The following ANGEL1 variants were observed in gnomAD, a reference collection of about 807,000 sequenced individuals.
The protein encoded by ANGEL1 is angel homolog 1.
A neutral mutation model predicts 76.4 loss-of-function variants in ANGEL1; 62 were observed. The ratio of observed to expected loss-of-function variants is 0.81; its 90% CI spans 0.66 to 1.00. The LOEUF is 1.00. Among genes scored for constraint, ANGEL1 ranks in the 50% least tolerant of loss-of-function variants. The pLI is 0.00. For synonymous variants in ANGEL1, 340 were observed against 331.7 expected, an observed-to-expected ratio of 1.03 and a Z score of -0.27; for missense variants, 737 against 836.7, an observed-to-expected ratio of 0.88 and a Z score of 1.47.
At position 76,786,162 on chromosome 14, in the gene ANGEL1, C is replaced by CTTT. The variant is rs200154536; in HGVS notation, c.*3063_*3065dup. The CTTT allele has an allele frequency of 2.1e-5, 3 of 140,156 alleles. No individual in the cohort carries two copies. The highest frequency in any genetic ancestry group is 2.0e-4 in the East Asian group (1 of 4,994). The allele number at this position is 140,156 out of a possible 1,614,324, so 8.7% of individuals were successfully genotyped here. On this transcript the variant is annotated 3_prime_UTR_variant, in exon 10 of 10. Coordinates refer to ENST00000251089, the MANE Select transcript of ANGEL1 (RefSeq NM_015305.4). ...AGCTGAGTTTTCTTTCTTTTCTTTT[C>CTTT]TTTTCTTTTTTTTTTTTTGAGATGG...
At chr14:76,794,282 T>C (rs184631480) in intron 7 of ANGEL1, among the ~76,000 whole-genome samples, 1 of 152,258 alleles carries the variant, frequency 6.6e-6, no homozygotes, top group East Asian at 1.9e-4. Flanking sequence ...TTTTATGACA[T>C]GTGAATTTCA....
chr14:76,807,547 G>A lies in ANGEL1; in HGVS notation c.877-45C>T, dbSNP rs377138096. 1.0e-5 allele frequency: 16 copies of A among 1,595,722 alleles called. No homozygotes were observed. In the African/African-American group the frequency reaches 2.1e-4, roughly 21 times the overall value. Reference sequence around the variant, plus strand: ...CCCAATCACTCCAGAGTGCTGGAATGTGACCCCCACCCTCTAGGAGCAGGT... The same window carrying A: ...CCCAATCACTCCAGAGTGCTGGAATATGACCCCCACCCTCTAGGAGCAGGT... On this transcript the variant is annotated intron_variant, in intron 3 of 9. Coordinates refer to ENST00000251089, the MANE Select transcript of ANGEL1 (RefSeq NM_015305.4).
At chr14:76,799,044 G>A (rs1894671765) in intron 7 of ANGEL1, among the ~76,000 whole-genome samples, 1 of 151,450 alleles carries the variant, frequency 6.6e-6, no homozygotes, top group African/African-American at 2.4e-5. Flanking sequence ...CCAGTACAAT[G>A]CAATGTCAGC....
chr14:76,793,387 GGA>G, intron 7 of ANGEL1, among the ~76,000 whole-genome samples: 1 of 66,604 alleles, frequency 1.5e-5, no homozygotes. Context: ...AGAGGAGAGG[GGA>G]GAGGAGGGGA....
chr14:76,792,354 C>A (rs1318233321), intron 7 of ANGEL1, among the ~76,000 whole-genome samples: 2 of 152,080 alleles, frequency 1.3e-5, no homozygotes, highest in Admixed American at 6.6e-5. Context: ...AAATCCTTCA[C>A]AAACACTTCC....
rs761463220 is a variant in ANGEL1, at chr14:76,808,098, C to G, written c.700G>C (p.Gly234Arg). ...TGAGGGCCATCTCCTGCCTTCAGGCCCTGAGCATCTGGCTGGGTGGAGAAA... is the reference window on the plus strand; with the variant it reads ...TGAGGGCCATCTCCTGCCTTCAGGCGCTGAGCATCTGGCTGGGTGGAGAAA... ...EDFSTQPDAQGLKAGDGPQFQ... is the reference protein window; with the variant it reads ...EDFSTQPDAQRLKAGDGPQFQ... Residue 234 changes from glycine to arginine, a missense_variant, in exon 3 of 10, where the codon GGC becomes CGC. By Grantham distance (125) the Gly-to-Arg change is moderately radical (BLOSUM62 -2). Around this residue, in one of 2 missense-constraint regions of ANGEL1, gnomAD observed 441 missense variants for 449.5 expected, o/e 0.98. Transcript: ENST00000251089. 2 of 1,613,912 alleles carry G rather than the reference C, an allele frequency of 1.2e-6. No homozygotes were observed. The highest frequency in any genetic ancestry group is 1.7e-6 in the Non-Finnish European group (2 of 1,180,034).
chr14:76,789,570 AT>A (rs1416183517), intron 9 of ANGEL1, among the ~76,000 whole-genome samples, 182 bp from the exon 10 acceptor site: 1 of 152,144 alleles, frequency 6.6e-6, no homozygotes, highest in African/African-American at 2.4e-5. Flanking sequence ...ATACTCCATA[AT>A]ATCATCAACG....
chr14:76,791,517 A>G, intron 7 of ANGEL1, 151 bp from the exon 8 acceptor site: 1 of 684,774 alleles, frequency 1.5e-6, no homozygotes, highest in Non-Finnish European at 2.4e-6. Flanking sequence ...GGAGGAGAAG[A>G]TGACCATAAA....
Position 76,808,117 on chromosome 14 carries a change from G to A in ANGEL1, c.681C>T (p.Ser227=). The A allele has an allele frequency of 2.5e-6, 4 of 1,613,852 alleles. No individual in the cohort carries two copies. Among genetic ancestry groups the A allele is most frequent in the Non-Finnish European group, 3.4e-6 (4 of 1,180,024 alleles). The change falls in exon 3 of 10, where the codon TCC becomes TCT. Residue 227 remains serine (S), a synonymous_variant. Transcript: ENST00000251089. ...TCAGGCCCTGAGCATCTGGCTGGGT[G>A]GAGAAATCCTCCCATTCTCGCCACA... ...EILWREWEDF[S]TQPDAQGLKA...
chr14:76,799,539 C>T (rs989187886), intron 7 of ANGEL1, among the ~76,000 whole-genome samples: 10 of 151,950 alleles, frequency 6.6e-5, no homozygotes, highest in Non-Finnish European at 1.2e-4. Context: ...ATGATCCGCC[C>T]GCCTCAGCCT....
At chr14:76,797,254 T>C (rs1271508148) in intron 7 of ANGEL1, among the ~76,000 whole-genome samples, 1 of 152,222 alleles carries the variant, frequency 6.6e-6, no homozygotes, top group Non-Finnish European at 1.5e-5. Context: ...TGATGTTAGT[T>C]GTAGGCTTGT....
intron 7 of ANGEL1, among the ~76,000 whole-genome samples, chr14:76,794,441 G>A (rs935323218): frequency 1.3e-5 from 2 of 152,058 alleles, no homozygotes; most frequent in Admixed American, 1.3e-4. Context: ...GAAGGCTGGG[G>A]CGGACGCATC....
chr14:76,803,458 A>T lies in ANGEL1; in HGVS notation c.1531T>A (p.Phe511Ile), dbSNP rs746552026. 6 of 1,614,108 alleles carry T rather than the reference A, an allele frequency of 3.7e-6. No homozygotes were observed. In the African/African-American group the frequency reaches 6.7e-5, roughly 18 times the overall value. ...CTGCAGAAGCGGAAACGTAGCAGGAAGTCTCGGCCATACTTGCGTCTCTCT... is the reference window on the plus strand; with the variant it reads ...CTGCAGAAGCGGAAACGTAGCAGGATGTCTCGGCCATACTTGCGTCTCTCT... Reference protein sequence around the residue: ...RSERRKYGRDFLLRFRFCSIA... With the variant: ...RSERRKYGRDILLRFRFCSIA... Residue 511 changes from phenylalanine (F) to isoleucine (I), a missense_variant, in exon 7 of 10, where the codon TTC (phenylalanine) becomes ATC (isoleucine). Physicochemically the swap from Phe to Ile is conservative, Grantham distance 21 (BLOSUM62 0). Coordinates refer to ENST00000251089, the MANE Select transcript of ANGEL1 (RefSeq NM_015305.4).
intron 7 of ANGEL1, among the ~76,000 whole-genome samples, chr14:76,799,566 TACAGGCGTGAGCC>T (rs1296427547): frequency 5.3e-5 from 8 of 152,140 alleles, no homozygotes; most frequent in Non-Finnish European, 1.0e-4. Flanking sequence ...GTGCTGGGAT[TACAGGCGTGAGCC>T]ACCGCGCCCG....
At chr14:76,790,065 A>G (rs34259255) in intron 9 of ANGEL1, among the ~76,000 whole-genome samples, 6,363 of 151,906 alleles carry the variant, frequency 0.042, 205 homozygotes, top group Middle Eastern at 0.082. Flanking sequence ...GGGTTTCATC[A>G]TGTGGCCAGG....
In ANGEL1 at chr14:76,812,880, C is replaced by G; in HGVS notation, c.-53G>C. 6.8e-7 allele frequency: 1 copy of G among 1,464,216 alleles called. No individual in the cohort carries two copies. Among genetic ancestry groups the G allele is most frequent in the Non-Finnish European group, 9.0e-7 (1 of 1,109,174 alleles). 90.7% of individuals were successfully genotyped at this position (1,464,216 alleles called of 1,614,324 possible). Reference sequence around the variant, plus strand: ...CCTCACTGCAGCCAGCAGGTCCTCCCTCAGCTCGGCCCCGCCCCCGGCCCG... The same window carrying G: ...CCTCACTGCAGCCAGCAGGTCCTCCGTCAGCTCGGCCCCGCCCCCGGCCCG... On this transcript the variant is annotated 5_prime_UTR_variant, in exon 1 of 10. Coordinates refer to ENST00000251089, the MANE Select transcript of ANGEL1 (RefSeq NM_015305.4).
chr14:76,803,954 G>T (rs1894840572), intron 5 of ANGEL1, 42 bp from the exon 6 acceptor site: 2 of 1,613,916 alleles, frequency 1.2e-6, no homozygotes, highest in Non-Finnish European at 1.7e-6. Context: ...AACCAAGATA[G>T]AAAAAGGAAG....
In ANGEL1 at chr14:76,809,162, G is replaced by C. The variant is rs764364066; in HGVS notation, c.546C>G (p.Ala182=). 1 of 1,614,100 alleles carries C rather than the reference G, an allele frequency of 6.2e-7. No individual in the cohort carries two copies. The highest frequency in any genetic ancestry group is 2.2e-5 in the East Asian group (1 of 44,884). ...EQWEEDPAVL[A]WSIAPEPVPQ... is the part of the protein sequence containing the mutation. ...GCACAGGCTCAGGTGCTATGCTCCA[G>C]GCCAACACCGCTGGGTCCTCTTCCC... Residue 182 remains alanine (A), a synonymous_variant, in exon 2 of 10, where the codon GCC becomes GCG. Transcript: ENST00000251089.
At chr14:76,809,923 C>G (rs149897366) in intron 1 of ANGEL1, among the ~76,000 whole-genome samples, 1 of 152,342 alleles carries the variant, frequency 6.6e-6, no homozygotes, top group East Asian at 1.9e-4. Flanking sequence ...CTCACATAAT[C>G]TAGAACACAG....
Sources: allele counts gnomAD v4.1 joint callset (sites outside exome capture counted in the v4.1 genomes callset), GRCh38; gene constraint gnomAD v4.1.1; regional missense constraint gnomAD v4.1.1; transcripts MANE v1.5; gene names NCBI Gene and HGNC (gene_info 2026-07-23, HGNC 2026-07-21).